HCFC1: variants seen among roughly 807,000 people sequenced by gnomAD.
HCFC1 encodes the protein host cell factor 1.
In HCFC1, 7 loss-of-function variants were observed where a neutral mutation model predicts 105.5. That is an observed-to-expected ratio of 0.07 (90% CI 0.04 to 0.12). The LOEUF is 0.12. Among genes scored for constraint, HCFC1 ranks in the 10% least tolerant of loss-of-function variants. The probability of loss-of-function intolerance (pLI) is 1.00; values close to 1 mark genes in which losing one functional copy is unlikely to be tolerated. For synonymous variants in HCFC1, 918 were observed against 828.1 expected (o/e 1.11, Z -1.86); for missense variants, 1,065 against 1,823.6 (o/e 0.58, Z 7.58).
chrX:153,952,460 G>A (rs1042575421), intron 19 of HCFC1, 54 bp downstream of exon 19: 26 of 1,074,008 alleles, frequency 2.4e-5, no homozygotes, highest in South Asian at 6.7e-5. Flanking sequence ...CTGTCTCCGC[G>A]GCCTATTGCT....
In HCFC1 at chrX:153,959,943, G is replaced by T; in HGVS notation, c.1303C>A (p.Pro435Thr). Residue 435 changes from proline (P) to threonine (T), a missense_variant, in exon 8 of 26, where the codon CCT (proline) becomes ACT (threonine). This residue lies in a region of HCFC1 where 101 missense variants were observed against 155.1 expected (regional missense o/e 0.65). Coordinates refer to ENST00000310441, the MANE Select transcript of HCFC1 (RefSeq NM_005334.3). ...PKSPAPAAAA[P>T]AVQPLTQVGI... Reference sequence around the variant, plus strand: ...ACTTGGGTCAGCGGCTGCACAGCAGGTGCGGCTGCTGCTGGGGCAGGGCTC... The same window carrying T: ...ACTTGGGTCAGCGGCTGCACAGCAGTTGCGGCTGCTGCTGGGGCAGGGCTC... 1.7e-6 allele frequency: 2 copies of T among 1,210,997 alleles called. No homozygotes were observed. The highest frequency in any genetic ancestry group is 2.2e-6 in the Non-Finnish European group (2 of 895,092).
chrX:153,966,437 C>G (rs1266070744), intron 1 of HCFC1, among the ~76,000 whole-genome samples: 1 of 112,496 alleles, frequency 8.9e-6, no homozygotes, highest in Non-Finnish European at 1.9e-5. Flanking sequence ...GGGACAACAC[C>G]TGTGCCGCCC....
In HCFC1 at chrX:153,954,789, G is replaced by T. The variant is rs782017860; in HGVS notation, c.3610C>A (p.Arg1204Ser). Residue 1204 changes from arginine (R) to serine (S), a missense_variant, in exon 17 of 26, where the codon CGC becomes AGC. By Grantham distance (110) the Arg-to-Ser change is moderately radical. Coordinates refer to ENST00000310441, the MANE Select transcript of HCFC1 (RefSeq NM_005334.3). ...GPSMAREPGG[R>S]SPAFVQLAPL... Reference sequence around the variant, plus strand: ...GCCAACTGCACAAAAGCAGGGCTGCGGCCCCCGGGCTCCCGTGCCATGCTC... The same window carrying T: ...GCCAACTGCACAAAAGCAGGGCTGCTGCCCCCGGGCTCCCGTGCCATGCTC... 1 of 1,165,813 alleles carries T rather than the reference G, an allele frequency of 8.6e-7. No individual in the cohort carries two copies. Among genetic ancestry groups the T allele is most frequent in the East Asian group, 3.2e-5 (1 of 30,812 alleles).
At chrX:153,959,693 C>T (rs2065410951) in intron 8 of HCFC1, 109 bp downstream of exon 8, 16 of 1,044,869 alleles carry the variant, frequency 1.5e-5, no homozygotes, top group Non-Finnish European at 2.1e-5. Context: ...CCAAAGCTCC[C>T]GGCTGCTGGC....
At chrX:153,959,220 G>T in intron 9 of HCFC1, 111 bp downstream of exon 9, 1 of 798,247 alleles carries the variant, frequency 1.3e-6, no homozygotes, top group Non-Finnish European at 1.8e-6. Flanking sequence ...AGGGAAAGGT[G>T]TGGGGTGCGT....
At chrX:153,956,592 G>C in intron 15 of HCFC1, 33 bp downstream of exon 15, 1 of 1,207,605 alleles carries the variant, frequency 8.3e-7, no homozygotes, top group Non-Finnish European at 1.1e-6. Context: ...TATAATCTAG[G>C]GGTGGCAGGG....
chrX:153,959,277 C>T, intron 9 of HCFC1, 54 bp downstream of exon 9: 1 of 1,142,632 alleles, frequency 8.8e-7, no homozygotes, highest in Non-Finnish European at 1.2e-6. Flanking sequence ...ACACTTGCAA[C>T]TTAATCCACT....
At chrX:153,956,439 C>T in intron 15 of HCFC1, 28 bp from the exon 16 acceptor site, 1 of 1,178,060 alleles carries the variant, frequency 8.5e-7, no homozygotes, top group Non-Finnish European at 1.2e-6. Flanking sequence ...AGAGTTGGGC[C>T]AAGGCTGCTG....
At chrX:153,970,567 G>T in intron 1 of HCFC1, 81 bp downstream of exon 1, 1 of 671,618 alleles carries the variant, frequency 1.5e-6, no homozygotes, top group Middle Eastern at 3.0e-4. Context: ...GGGAGCAGAT[G>T]GAGGGAGGGA....
chrX:153,965,846 A>T (rs2065469637), intron 1 of HCFC1, among the ~76,000 whole-genome samples: 1 of 112,452 alleles, frequency 8.9e-6, no homozygotes, highest in Non-Finnish European at 1.9e-5. Context: ...GAGGAAAAAC[A>T]GTGTTTTTTT....
chrX:153,951,132 G>T (rs1171999379), intron 22 of HCFC1, 134 bp from the exon 23 acceptor site: 8 of 711,821 alleles, frequency 1.1e-5, no homozygotes, highest in Non-Finnish European at 1.7e-5. Flanking sequence ...TCACGGCAAG[G>T]AGGGACGTGG....
chrX:153,964,096 G>A lies in HCFC1; in HGVS notation c.503+28C>T, dbSNP rs782223417. On this transcript the variant is annotated intron_variant, in intron 3 of 25. Transcript: ENST00000310441. ...CATGTGAGAGCACACCCACCCGGGGGGTTCCAGAGAAAAGGACCAAGCCTC... is the reference window on the plus strand; with the variant it reads ...CATGTGAGAGCACACCCACCCGGGGAGTTCCAGAGAAAAGGACCAAGCCTC... 27 of 1,168,785 alleles carry A rather than the reference G, an allele frequency of 2.3e-5. No individual in the cohort carries two copies. In the African/African-American group the frequency reaches 4.8e-4, roughly 21 times the overall value.
intron 2 of HCFC1, 76 bp from the exon 3 acceptor site, chrX:153,964,360 G>T: frequency 9.7e-7 from 1 of 1,034,695 alleles, no homozygotes; most frequent in Non-Finnish European, 1.3e-6. Flanking sequence ...ACTTGTGGTG[G>T]AGGAGGAAAT....
At chrX:153,967,744 G>A (rs1306836096) in intron 1 of HCFC1, among the ~76,000 whole-genome samples, 2 of 111,657 alleles carry the variant, frequency 1.8e-5, no homozygotes, top group Non-Finnish European at 3.8e-5. Context: ...CGTTTCAGCC[G>A]GGCCTTGAAG....
At chrX:153,961,317 C>G (rs2065427344) in intron 6 of HCFC1, among the ~76,000 whole-genome samples, 1 of 112,471 alleles carries the variant, frequency 8.9e-6, no homozygotes, top group Non-Finnish European at 1.9e-5. Context: ...ACCGTAGAGG[C>G]TTTTGCACTT....
At chrX:153,960,735 T>G (rs2065421881) in intron 6 of HCFC1, among the ~76,000 whole-genome samples, 1 of 111,954 alleles carries the variant, frequency 8.9e-6, no homozygotes, top group East Asian at 2.8e-4. Context: ...GATAGAAAGA[T>G]CTTAAGAAAA....
At chrX:153,956,804 G>A (rs369497253) in intron 14 of HCFC1, 41 bp from the exon 15 acceptor site, 15 of 1,206,588 alleles carry the variant, frequency 1.2e-5, no homozygotes, top group African/African-American at 8.7e-5. Flanking sequence ...TCACCACCAG[G>A]CTGGTAGATG....
At position 153,956,215 on chromosome X, in the gene HCFC1, G is replaced by A. The variant is rs782528694; in HGVS notation, c.2832C>T (p.Leu944=). 6.6e-6 allele frequency: 8 copies of A among 1,211,666 alleles called. No homozygotes were observed. The highest frequency in any genetic ancestry group is 8.9e-6 in the Non-Finnish European group (8 of 895,387). Residue 944 remains leucine, a synonymous_variant, in exon 16 of 26, where the codon CTC becomes CTT. Transcript: ENST00000310441. ...CCTGCATGGTGATGGTTGGGGTTGTGAGCCCGCCTGCCGCTGTCAGCGTGG... is the reference window on the plus strand; with the variant it reads ...CCTGCATGGTGATGGTTGGGGTTGTAAGCCCGCCTGCCGCTGTCAGCGTGG... ...AQTTLTAAGG[L]TTPTITMQPV...
At chrX:153,964,334 C>T (rs1557117816) in intron 2 of HCFC1, 50 bp from the exon 3 acceptor site, 3 of 1,105,695 alleles carry the variant, frequency 2.7e-6, no homozygotes, top group African/African-American at 1.8e-5. Flanking sequence ...AAGGCCACCA[C>T]TAGGGACCCG....
Sources: allele counts gnomAD v4.1 joint callset (sites outside exome capture counted in the v4.1 genomes callset), GRCh38; gene constraint gnomAD v4.1.1; regional missense constraint gnomAD v4.1.1; transcripts MANE v1.5; gene names NCBI Gene and HGNC (gene_info 2026-07-23, HGNC 2026-07-21).